The following KCNIP4 variants were observed in gnomAD, a reference collection of about 807,000 sequenced individuals.
KCNIP4 encodes potassium voltage-gated channel interacting protein 4.
A neutral mutation model predicts 34.0 loss-of-function variants in KCNIP4; 12 were observed. The observed-to-expected ratio is 0.35, with a 90% CI of 0.23 to 0.57. KCNIP4 has a LOEUF of 0.57. Ranked by LOEUF, KCNIP4 falls within the 20% of genes least tolerant of loss-of-function variation. The pLI, the probability that KCNIP4 is intolerant of heterozygous loss-of-function variation, is 0.83. For synonymous variants in KCNIP4, 124 were observed against 102.2 expected, an observed-to-expected ratio of 1.21 and a Z score of -1.29; for missense variants, 238 against 311.7, an observed-to-expected ratio of 0.76 and a Z score of 1.78.
intron 1 of KCNIP4, among the ~76,000 whole-genome samples, chr4:21,084,052 T>C (rs763728930): frequency 6.6e-6 from 1 of 151,856 alleles, no homozygotes; most frequent in Non-Finnish European, 1.5e-5. Context: ...GAATAGATAT[T>C]TGTTGAGCAA....
chr4:20,852,499 A>T (rs1324942848), intron 2 of KCNIP4, among the ~76,000 whole-genome samples: 4 of 152,184 alleles, frequency 2.6e-5, no homozygotes, highest in Non-Finnish European at 5.9e-5. Flanking sequence ...GCCATCTATG[A>T]CACACCCACA....
chr4:21,940,319 G>A (rs1217754860), intron 1 of KCNIP4, among the ~76,000 whole-genome samples: 1 of 152,050 alleles, frequency 6.6e-6, no homozygotes, highest in East Asian at 1.9e-4. Context: ...AAGAGTAAAA[G>A]GTCAAGTTCA....
chr4:21,396,067 T>A (rs189713514), intron 1 of KCNIP4, among the ~76,000 whole-genome samples: 1 of 151,098 alleles, frequency 6.6e-6, no homozygotes, highest in African/African-American at 2.5e-5. Flanking sequence ...CTATATATAG[T>A]CTATATATAC....
chr4:20,869,394 G>A (rs964769824), intron 2 of KCNIP4, among the ~76,000 whole-genome samples: 1 of 151,904 alleles, frequency 6.6e-6, no homozygotes, highest in Non-Finnish European at 1.5e-5. Context: ...GGTAACTGTG[G>A]GCATTAAATG....
chr4:20,776,126 T>G (rs1756348105), intron 3 of KCNIP4, among the ~76,000 whole-genome samples: 1 of 152,208 alleles, frequency 6.6e-6, no homozygotes, highest in Admixed American at 6.5e-5. Context: ...GTCTAGACAT[T>G]TATTTGCAAA....
At chr4:21,895,416 T>C (rs1019097947) in intron 1 of KCNIP4, among the ~76,000 whole-genome samples, 2 of 152,204 alleles carry the variant, frequency 1.3e-5, no homozygotes, top group South Asian at 2.1e-4. Context: ...AATACCGTGG[T>C]TGAAAACATG....
intron 3 of KCNIP4, among the ~76,000 whole-genome samples, chr4:20,792,875 G>C (rs1360427257): frequency 6.6e-6 from 1 of 152,140 alleles, no homozygotes; most frequent in Non-Finnish European, 1.5e-5. Flanking sequence ...GTGGTTTATA[G>C]GACACTTGAG....
intron 5 of KCNIP4, among the ~76,000 whole-genome samples, chr4:20,744,987 G>A (rs1189683767): frequency 6.6e-6 from 1 of 152,100 alleles, no homozygotes; most frequent in Non-Finnish European, 1.5e-5. Flanking sequence ...TGGATTTGTG[G>A]TTGCCATTTG....
chr4:21,780,404 T>C (rs756447394), intron 1 of KCNIP4, among the ~76,000 whole-genome samples: 10 of 152,162 alleles, frequency 6.6e-5, no homozygotes, highest in Non-Finnish European at 1.3e-4. Flanking sequence ...CATATGCTCC[T>C]ACTCATGACA....
At chr4:21,494,512 T>C (rs1465698681) in intron 1 of KCNIP4, among the ~76,000 whole-genome samples, 3 of 152,116 alleles carry the variant, frequency 2.0e-5, no homozygotes, top group Non-Finnish European at 1.5e-5. Flanking sequence ...CGGTGGCTTA[T>C]GCCTGTAATC....
At chr4:21,855,556 A>G (rs1311944114) in intron 1 of KCNIP4, 1 of 152,214 alleles carries the variant, frequency 6.6e-6, no homozygotes, top group Non-Finnish European at 1.5e-5. Flanking sequence ...TGTTAAAAAT[A>G]TGCACATTCC....
chr4:20,756,416 T>G (rs1015297471), intron 4 of KCNIP4, among the ~76,000 whole-genome samples: 7 of 152,168 alleles, frequency 4.6e-5, no homozygotes, highest in African/African-American at 1.4e-4. Context: ...TTTTCTATCC[T>G]AAAGCTATTA....
intron 1 of KCNIP4, among the ~76,000 whole-genome samples, chr4:21,590,597 G>C (rs918025103): frequency 6.6e-6 from 1 of 151,750 alleles, no homozygotes; most frequent in East Asian, 1.9e-4. Flanking sequence ...AAAGGTTTAG[G>C]GATGTTTATT....
chr4:21,519,574 ATATG>A (rs1462289070), intron 1 of KCNIP4, among the ~76,000 whole-genome samples: 2 of 32,332 alleles, frequency 6.2e-5, no homozygotes, highest in Non-Finnish European at 1.3e-4. Context: ...ATATATACAC[ATATG>A]TGTGTGTATG....
At chr4:21,356,401 G>A (rs1560322456) in intron 1 of KCNIP4, among the ~76,000 whole-genome samples, 1 of 152,120 alleles carries the variant, frequency 6.6e-6, no homozygotes, top group South Asian at 2.1e-4. Context: ...ATGCACGATT[G>A]CATATTTAGA....
At chr4:20,963,457 G>A (rs190842996) in intron 1 of KCNIP4, among the ~76,000 whole-genome samples, 1 of 151,656 alleles carries the variant, frequency 6.6e-6, no homozygotes, top group Admixed American at 6.6e-5. Flanking sequence ...AAAACTCAGG[G>A]AGTCATGTAA....
chr4:20,836,825 C>T (rs1270544878), intron 3 of KCNIP4, among the ~76,000 whole-genome samples: 1 of 151,974 alleles, frequency 6.6e-6, no homozygotes, highest in African/African-American at 2.4e-5. Flanking sequence ...ATCATACTTT[C>T]CTTAGGTCTC....
chr4:21,157,816 G>A (rs1753256729), intron 1 of KCNIP4, among the ~76,000 whole-genome samples: 1 of 151,734 alleles, frequency 6.6e-6, no homozygotes, highest in African/African-American at 2.4e-5. Context: ...TAAGCAAAAG[G>A]TAATGATATT....
intron 1 of KCNIP4, among the ~76,000 whole-genome samples, chr4:21,342,283 G>A (rs1179765095): frequency 6.6e-6 from 1 of 152,124 alleles, no homozygotes; most frequent in African/African-American, 2.4e-5. Flanking sequence ...GAGGATGAAA[G>A]AGAGACAAAA....
Sources: allele counts gnomAD v4.1 joint callset (sites outside exome capture counted in the v4.1 genomes callset), GRCh38; gene constraint gnomAD v4.1.1; transcripts MANE v1.5; gene names NCBI Gene and HGNC (gene_info 2026-07-23, HGNC 2026-07-21).